The following NKAIN2 variants were observed in gnomAD, a reference collection of about 807,000 sequenced individuals.
The protein encoded by NKAIN2 is sodium/potassium-transporting ATPase subunit beta-1-interacting protein 2.
In NKAIN2, 14 loss-of-function variants were observed where a neutral mutation model predicts 32.6. The ratio of observed to expected loss-of-function variants is 0.43; its 90% CI spans 0.28 to 0.67. NKAIN2 has a LOEUF of 0.67. Ranked by LOEUF, NKAIN2 falls within the 30% of genes least tolerant of loss-of-function variation. The pLI is 0.17. For missense variants in NKAIN2, 198 were observed against 258.3 expected (o/e 0.77, Z 1.60); for synonymous variants, 80 against 87.2 (o/e 0.92, Z 0.46).
At chr6:124,542,803 A>C (rs962676114) in intron 3 of NKAIN2, among the ~76,000 whole-genome samples, 1 of 152,166 alleles carries the variant, frequency 6.6e-6, no homozygotes, top group African/African-American at 2.4e-5. Flanking sequence ...AGTTACTAAA[A>C]TTTGCACGTT....
chr6:124,730,058 G>A (rs1472862221), intron 4 of NKAIN2, among the ~76,000 whole-genome samples: 1 of 104,672 alleles, frequency 9.6e-6, no homozygotes, highest in African/African-American at 3.6e-5. Context: ...GGAAATAAAA[G>A]AGAATACAAA....
chr6:124,817,664 T>C (rs1486873844), intron 5 of NKAIN2, among the ~76,000 whole-genome samples: 1 of 152,186 alleles, frequency 6.6e-6, no homozygotes, highest in Non-Finnish European at 1.5e-5. Flanking sequence ...AACCATTGTA[T>C]GGGAGGAAGG....
intron 3 of NKAIN2, among the ~76,000 whole-genome samples, chr6:124,366,759 G>A (rs987388326): frequency 5.9e-5 from 9 of 151,414 alleles, no homozygotes; most frequent in Non-Finnish European, 8.8e-5. Flanking sequence ...AAACCCCATC[G>A]CTACCAAAAA....
chr6:124,562,483 AC>A (rs1780732647), intron 3 of NKAIN2, among the ~76,000 whole-genome samples: 1 of 152,154 alleles, frequency 6.6e-6, no homozygotes, highest in African/African-American at 2.4e-5. Flanking sequence ...AGGTTCTTAA[AC>A]TTTTTGTTCT....
At chr6:124,557,257 T>C (rs959489528) in intron 3 of NKAIN2, among the ~76,000 whole-genome samples, 1 of 152,180 alleles carries the variant, frequency 6.6e-6, no homozygotes, top group African/African-American at 2.4e-5. Flanking sequence ...TCAAACAGTG[T>C]ATAGTGAAAA....
At chr6:124,638,887 CAAAAAAA>C (rs35802663) in intron 3 of NKAIN2, among the ~76,000 whole-genome samples, 49 of 82,622 alleles carry the variant, frequency 5.9e-4, no homozygotes, top group African/African-American at 2.4e-3. Flanking sequence ...GAGACTCTGT[CAAAAAAA>C]AAAAAAAAAA....
rs548466466 is a variant in NKAIN2 at position 124,348,905 on chromosome 6, T to C, written c.193-6362T>C. On this transcript the variant is annotated intron_variant, in intron 2 of 6. Coordinates refer to ENST00000368417, the MANE Select transcript of NKAIN2 (RefSeq NM_001040214.3). ...GGTCACTCCCACCCCAATACTGTGC[T>C]TTTCCGACGGGCTTAAAAAACGGTG... Among the ~76,000 whole-genome samples the C allele has an allele frequency of 7.7e-4, 117 of 152,242 alleles. 2 individuals carry two copies. Among genetic ancestry groups the C allele is most frequent in the African/African-American group, 2.7e-3 (114 of 41,542 alleles).
chr6:124,311,767 AC>A (rs1796728208), intron 2 of NKAIN2, among the ~76,000 whole-genome samples: 1 of 152,154 alleles, frequency 6.6e-6, no homozygotes, highest in African/African-American at 2.4e-5. Flanking sequence ...GTCTTAAGAG[AC>A]CTGGTTGCAG....
chr6:123,841,105 G>C (rs888187032), intron 1 of NKAIN2, among the ~76,000 whole-genome samples: 7 of 152,036 alleles, frequency 4.6e-5, no homozygotes, highest in Non-Finnish European at 7.4e-5. Context: ...TTCTATACCT[G>C]CACTAAGCAA....
chr6:123,901,732 G>T (rs1009073567), intron 1 of NKAIN2, among the ~76,000 whole-genome samples: 1 of 152,066 alleles, frequency 6.6e-6, no homozygotes, highest in Non-Finnish European at 1.5e-5. Context: ...GGCTTTGAGT[G>T]GGGACTTCTG....
chr6:124,804,686 G>A (rs1330789621), intron 5 of NKAIN2, among the ~76,000 whole-genome samples: 1 of 152,350 alleles, frequency 6.6e-6, no homozygotes, highest in Non-Finnish European at 1.5e-5. Flanking sequence ...GAAGCAGGGC[G>A]AGGCATTGCC....
In NKAIN2 at chr6:124,638,887, C is replaced by CAAAAA. The variant is rs35802663; in HGVS notation, c.274-19281_274-19277dup. 2.4e-3 allele frequency among the ~76,000 whole-genome samples: 197 copies of CAAAAA among 82,344 alleles called. 8 individuals are homozygous for CAAAAA. The highest frequency in any genetic ancestry group is 3.7e-3 in the African/African-American group (70 of 19,062). 54.0% of individuals were successfully genotyped at this position (82,344 alleles called of 152,430 possible). A position where few individuals can be genotyped will look rare whatever the true frequency, so the allele number is the denominator to read the frequency against. On this transcript the variant is annotated intron_variant, in intron 3 of 6. Coordinates refer to ENST00000368417, the MANE Select transcript of NKAIN2 (RefSeq NM_001040214.3). ...GCCTGGGGGCAGAGTGAGACTCTGT[C>CAAAAA]AAAAAAAAAAAAAAAAAAAAAAGAT...
chr6:124,118,242 A>G (rs989844973), intron 1 of NKAIN2, among the ~76,000 whole-genome samples: 7 of 152,150 alleles, frequency 4.6e-5, no homozygotes, highest in African/African-American at 1.4e-4. Flanking sequence ...AAGAGGAGGT[A>G]TGGCTAAAAA....
intron 1 of NKAIN2, among the ~76,000 whole-genome samples, chr6:124,226,264 A>T (rs1341501932): frequency 6.6e-6 from 1 of 152,028 alleles, no homozygotes; most frequent in East Asian, 1.9e-4. Flanking sequence ...TTATGCTTGG[A>T]TATATTGATA....
chr6:123,876,589 G>A (rs1340844724), intron 1 of NKAIN2, among the ~76,000 whole-genome samples: 1 of 152,204 alleles, frequency 6.6e-6, no homozygotes, highest in East Asian at 1.9e-4. Flanking sequence ...GAACTGATGA[G>A]CTGTTGGTAG....
At chr6:123,890,695 A>T (rs1325752395) in intron 1 of NKAIN2, among the ~76,000 whole-genome samples, 1 of 152,176 alleles carries the variant, frequency 6.6e-6, no homozygotes, top group East Asian at 1.9e-4. Context: ...AGTGTGGGCT[A>T]GCATGGGGAG....
chr6:123,923,791 T>G, intron 1 of NKAIN2, among the ~76,000 whole-genome samples: 1 of 82,366 alleles, frequency 1.2e-5, no homozygotes, highest in African/African-American at 4.9e-5. Flanking sequence ...GGGACTGTTG[T>G]GGGGTGGGGG....
At chr6:123,919,547 T>A (rs1254020521) in intron 1 of NKAIN2, among the ~76,000 whole-genome samples, 1 of 152,204 alleles carries the variant, frequency 6.6e-6, no homozygotes, top group African/African-American at 2.4e-5. Flanking sequence ...GGGATAGTTC[T>A]ACTGCAAAGG....
intron 2 of NKAIN2, among the ~76,000 whole-genome samples, chr6:124,326,466 T>G (rs553171841): frequency 1.3e-5 from 2 of 152,264 alleles, no homozygotes; most frequent in African/African-American, 4.8e-5. Context: ...TGTAGCCATG[T>G]CTCTGCCTCT....
Sources: gnomAD v4.1 joint callset for allele counts (sites outside exome capture counted in the v4.1 genomes callset) on GRCh38, gnomAD v4.1.1 for gene constraint, MANE v1.5 for transcripts, NCBI Gene and HGNC (gene_info 2026-07-23, HGNC 2026-07-21) for gene names.